CNIH3: variants seen among roughly 807,000 people sequenced by gnomAD.
The protein encoded by CNIH3 is cornichon family AMPA receptor auxiliary protein 3.
In CNIH3, 14 loss-of-function variants were observed where a neutral mutation model predicts 24.1. The ratio of observed to expected loss-of-function variants is 0.58; its 90% CI spans 0.38 to 0.91. The LOEUF is 0.91. Among genes scored for constraint, CNIH3 ranks in the 40% least tolerant of loss-of-function variants. The pLI is 0.00. For missense variants in CNIH3, 178 were observed against 196.8 expected, an observed-to-expected ratio of 0.90 and a Z score of 0.57; for synonymous variants, 68 against 73.8, an observed-to-expected ratio of 0.92 and a Z score of 0.40.
intron 2 of CNIH3, among the ~76,000 whole-genome samples, chr1:224,523,743 A>G (rs556183052): frequency 7.2e-5 from 11 of 152,208 alleles, no homozygotes; most frequent in Non-Finnish European, 1.6e-4. Flanking sequence ...ATCATAGACT[A>G]TGGAGGAAGA....
intron 1 of CNIH3, among the ~76,000 whole-genome samples, chr1:224,500,634 C>G (rs924228598): frequency 1.3e-5 from 2 of 151,826 alleles, no homozygotes; most frequent in Admixed American, 6.6e-5. Context: ...GATTGTGCCA[C>G]TGCACTCCAA....
intron 1 of CNIH3, among the ~76,000 whole-genome samples, chr1:224,509,736 C>T (rs67398618): frequency 0.11 from 16,999 of 152,260 alleles, 999 homozygotes; most frequent in Non-Finnish European, 0.13. Context: ...AGGCTGGTGA[C>T]GATGAGACCC....
chr1:224,620,389 C>T (rs1377475621), intron 1 of CNIH3, among the ~76,000 whole-genome samples: 1 of 152,148 alleles, frequency 6.6e-6, no homozygotes, highest in Non-Finnish European at 1.5e-5. Flanking sequence ...TAAGCCTAAG[C>T]CCTTTCTCTA....
At chr1:224,471,525 C>T (rs1558088650) in intron 1 of CNIH3, among the ~76,000 whole-genome samples, 1 of 151,824 alleles carries the variant, frequency 6.6e-6, no homozygotes, top group Non-Finnish European at 1.5e-5. Flanking sequence ...CAGTGCCTAG[C>T]TTATTTCCTT....
At chr1:224,682,563 T>C (rs1686453301) in intron 2 of CNIH3, among the ~76,000 whole-genome samples, 1 of 152,252 alleles carries the variant, frequency 6.6e-6, no homozygotes. Context: ...CATGAACTTA[T>C]AACTATTAAA....
intron 1 of CNIH3, among the ~76,000 whole-genome samples, chr1:224,457,511 A>ATTTTT (rs943521801): frequency 3.7e-3 from 412 of 111,002 alleles, no homozygotes; most frequent in African/African-American, 6.7e-3. Context: ...TGGTCTGGGG[A>ATTTTT]TTTTTTTTTT....
intron 1 of CNIH3, among the ~76,000 whole-genome samples, 163 bp from the exon 2 acceptor site, chr1:224,680,795 T>C (rs1200913114): frequency 6.6e-6 from 1 of 152,232 alleles, no homozygotes; most frequent in African/African-American, 2.4e-5. Flanking sequence ...CAACCCCATG[T>C]GCTTATTGCC....
Position 224,684,391 on chromosome 1 carries a change from G to A in CNIH3, c.151-405G>A, listed in dbSNP as rs1686552761. 6.6e-6 allele frequency among the ~76,000 whole-genome samples: 1 copy of A among 152,230 alleles called. No individual in the cohort carries two copies. Among genetic ancestry groups the A allele is most frequent in the Non-Finnish European group, 1.5e-5 (1 of 68,036 alleles). On this transcript the variant is annotated intron_variant, in intron 2 of 5. Transcript: ENST00000272133. This position sits in a 1 kb window ranked among gnomAD's most constrained non-coding sequence, Gnocchi z 4.2. ...TAATGAGGGCACATACGCTCTTCGAGAACTAAGTGGGAAGGCCTCCTGGGA... is the reference window on the plus strand; with the variant it reads ...TAATGAGGGCACATACGCTCTTCGAAAACTAAGTGGGAAGGCCTCCTGGGA...
At chr1:224,574,649 G>C in intron 4 of CNIH3, 1 of 929,900 alleles carries the variant, frequency 1.1e-6, no homozygotes, top group South Asian at 1.3e-5. Context: ...AGTGTGAGGA[G>C]CTCTTCATCA....
chr1:224,441,959 G>C (rs886642755), intron 1 of CNIH3, among the ~76,000 whole-genome samples: 15 of 151,600 alleles, frequency 9.9e-5, no homozygotes, highest in African/African-American at 3.4e-4. Context: ...CTAGTGGAGG[G>C]GTGCTTAGCC....
chr1:224,629,600 A>G (rs574225178), intron 1 of CNIH3, among the ~76,000 whole-genome samples: 33 of 152,250 alleles, frequency 2.2e-4, no homozygotes, highest in African/African-American at 7.5e-4. Flanking sequence ...GCTGCTGTGA[A>G]TGTGGGTGTA....
intron 1 of CNIH3, among the ~76,000 whole-genome samples, chr1:224,620,503 G>GAATT (rs1449108455): frequency 2.6e-5 from 4 of 151,924 alleles, no homozygotes; most frequent in Non-Finnish European, 5.9e-5. Context: ...TTTCTGATTG[G>GAATT]GGTTACAATA....
rs926543524 is a variant in CNIH3 at position 224,604,906 on chromosome 1, A to G, written n.402+38642A>G. Among the ~76,000 whole-genome samples, 1 of 152,166 alleles carries G rather than the reference A, an allele frequency of 6.6e-6. No individual in the cohort carries two copies. Among genetic ancestry groups the G allele is most frequent in the Non-Finnish European group, 1.5e-5 (1 of 68,026 alleles). On this transcript the variant is annotated intron_variant and non_coding_transcript_variant, in intron 3 of 7. Transcript: ENST00000478120. The surrounding 1 kb of genome is among the most constrained non-coding windows in gnomAD (Gnocchi z 4.4). The stretch of plus-strand genomic sequence containing the variant: ...AGAAGAGTTTTACTGAGTGATGAAA[A>G]TGGCTTTCAGAGGAGAGGGGACATG...
At chr1:224,470,180 G>A (rs940521281) in intron 1 of CNIH3, among the ~76,000 whole-genome samples, 4 of 151,722 alleles carry the variant, frequency 2.6e-5, no homozygotes, top group African/African-American at 7.3e-5. Context: ...CACCATGCCC[G>A]GCTAATTTTT....
intron 1 of CNIH3, among the ~76,000 whole-genome samples, chr1:224,482,716 G>A (rs1343401239): frequency 3.3e-5 from 5 of 152,162 alleles, no homozygotes; most frequent in African/African-American, 1.2e-4. Flanking sequence ...TGGGGGAGAG[G>A]TGATGCAAGC....
chr1:224,445,629 G>A (rs927616440), intron 1 of CNIH3, among the ~76,000 whole-genome samples: 1 of 147,348 alleles, frequency 6.8e-6, no homozygotes, highest in Non-Finnish European at 1.5e-5. Context: ...TTATTGATGT[G>A]TGGAATTCTG....
intron 1 of CNIH3, among the ~76,000 whole-genome samples, chr1:224,443,713 T>A (rs885608): frequency 0.079 from 11,723 of 148,114 alleles, 1,461 homozygotes; most frequent in African/African-American, 0.27. Context: ...ATATATATAT[T>A]TTTTTAGGCT....
At chr1:224,566,703 A>G (rs1204521734) in intron 4 of CNIH3, among the ~76,000 whole-genome samples, 1 of 152,082 alleles carries the variant, frequency 6.6e-6, no homozygotes, top group East Asian at 1.9e-4. Context: ...TGAACTCATC[A>G]TTTTTTATGG....
At chr1:224,504,797 G>A (rs935209216) in intron 1 of CNIH3, among the ~76,000 whole-genome samples, 2 of 152,132 alleles carry the variant, frequency 1.3e-5, no homozygotes, top group African/African-American at 4.8e-5. Context: ...TCTTATCTGG[G>A]AAATGGGACA....
Sources: allele counts gnomAD v4.1 joint callset (sites outside exome capture counted in the v4.1 genomes callset), GRCh38; gene constraint gnomAD v4.1.1; non-coding constraint Gnocchi (gnomAD v3.1); transcripts MANE v1.5; gene names NCBI Gene and HGNC (gene_info 2026-07-23, HGNC 2026-07-21).